The following DEFB106B variants were observed in gnomAD, a reference collection of about 807,000 sequenced individuals.
DEFB106B encodes the protein defensin beta 106B.
At chr8:7,484,846 C>G (rs1230090446) in intron 1 of DEFB106B, among the ~76,000 whole-genome samples, 17 of 78,042 alleles carry the variant, frequency 2.2e-4, no homozygotes, top group African/African-American at 8.0e-4. Flanking sequence ...CACTCCAGCC[C>G]GGGGAACAGA....
chr8:7,484,436 G>A (rs1307129790), intron 1 of DEFB106B, among the ~76,000 whole-genome samples: 1 of 145,606 alleles, frequency 6.9e-6, no homozygotes, highest in Non-Finnish European at 1.5e-5. Flanking sequence ...ATATACTAGA[G>A]TATTATACTA....
rs1328551864 is a variant in DEFB106B at position 7,484,355 on chromosome 8, T to C, written c.50-1603A>G. Among the ~76,000 whole-genome samples, 3 of 148,568 alleles carry C rather than the reference T, an allele frequency of 2.0e-5. No homozygotes were observed. The East Asian group carries it at 5.9e-4, about 29-fold the overall frequency. Reference sequence around the variant, plus strand: ...GTACTAGTATATACACTATACTATATACTAGTGTATTATACTAGTATATAC... The same window carrying C: ...GTACTAGTATATACACTATACTATACACTAGTGTATTATACTAGTATATAC... On this transcript the variant is annotated intron_variant, in intron 1 of 1. Coordinates refer to ENST00000335479, the MANE Select transcript of DEFB106B (RefSeq NM_001040704.2).
At chr8:7,484,406 A>C (rs1170683118) in intron 1 of DEFB106B, among the ~76,000 whole-genome samples, 1 of 148,226 alleles carries the variant, frequency 6.7e-6, no homozygotes, top group East Asian at 2.0e-4. Flanking sequence ...TGTGTATTAT[A>C]CTAGTATATA....
At chr8:7,484,508 G>C (rs1305395952) in intron 1 of DEFB106B, among the ~76,000 whole-genome samples, 3 of 138,936 alleles carry the variant, frequency 2.2e-5, no homozygotes. Flanking sequence ...CTATATACTA[G>C]AGTATTATAC....
chr8:7,485,790 C>CTT (rs1811473214), intron 1 of DEFB106B, among the ~76,000 whole-genome samples: 1 of 107,100 alleles, frequency 9.3e-6, no homozygotes, highest in Non-Finnish European at 1.9e-5. Flanking sequence ...AAGATTTTCT[C>CTT]TAACTTCCAT....
intron 1 of DEFB106B, among the ~76,000 whole-genome samples, chr8:7,485,333 GT>G (rs1811452373): frequency 7.5e-6 from 1 of 133,640 alleles, no homozygotes; most frequent in Admixed American, 7.9e-5. Context: ...ATAGGTCACT[GT>G]GGGTCCTAGA....
At chr8:7,484,867 A>C (rs78303385) in intron 1 of DEFB106B, among the ~76,000 whole-genome samples, 28,933 of 63,638 alleles carry the variant, frequency 0.45, 2,996 homozygotes, top group East Asian at 0.5. Flanking sequence ...GTGAGACTCT[A>C]TCTCAAAAAA....
intron 1 of DEFB106B, among the ~76,000 whole-genome samples, chr8:7,483,581 C>T (rs1302066613): frequency 9.6e-6 from 1 of 104,362 alleles, no homozygotes; most frequent in Non-Finnish European, 1.9e-5. Context: ...TAATTCAAAT[C>T]TACATAAAAC....
At position 7,484,787 on chromosome 8, in the gene DEFB106B, G is replaced by T. The variant is rs1343932933; in HGVS notation, c.49+1547C>A. On this transcript the variant is annotated intron_variant, in intron 1 of 1. Coordinates refer to ENST00000335479, the MANE Select transcript of DEFB106B (RefSeq NM_001040704.2). ...CTCAGGAGGCTGAGGCAGGAGAATC[G>T]CATGAACCCCGGTGGCAGAGGTTGC... 5.0e-5 allele frequency among the ~76,000 whole-genome samples: 5 copies of T among 100,158 alleles called. No individual in the cohort carries two copies. In the East Asian group the frequency reaches 1.4e-3, roughly 27 times the overall value. 65.7% of individuals were successfully genotyped at this position (100,158 alleles called of 152,430 possible).
chr8:7,484,155 A>C (rs1224070774), intron 1 of DEFB106B, among the ~76,000 whole-genome samples: 5 of 123,488 alleles, frequency 4.0e-5, no homozygotes, highest in Admixed American at 9.1e-5. Flanking sequence ...ATAATAGTAT[A>C]TATACTATAC....
At chr8:7,483,892 A>G (rs1489644591) in intron 1 of DEFB106B, among the ~76,000 whole-genome samples, 1 of 131,994 alleles carries the variant, frequency 7.6e-6, no homozygotes, top group East Asian at 2.3e-4. Context: ...TGTATACTAT[A>G]GTATTATACT....
chr8:7,484,846 C>T (rs1230090446), intron 1 of DEFB106B, among the ~76,000 whole-genome samples: 16 of 78,066 alleles, frequency 2.0e-4, no homozygotes, highest in Admixed American at 8.3e-4. Flanking sequence ...CACTCCAGCC[C>T]GGGGAACAGA....
rs1301842880 is a variant in DEFB106B at position 7,484,450 on chromosome 8, T to A, written c.50-1698A>T. Among the ~76,000 whole-genome samples, 1,190 of 143,898 alleles carry A rather than the reference T, an allele frequency of 8.3e-3. 5 individuals carry two copies. The highest frequency in any genetic ancestry group is 0.03 in the African/African-American group (1,136 of 37,856). The allele number at this position is 143,898 out of a possible 152,430, so 94.4% of individuals were successfully genotyped here. ...TATATACTAGAGTATTATACTAGTATGTATACTATGCTATATACTAGAGTA... is the reference window on the plus strand; with the variant it reads ...TATATACTAGAGTATTATACTAGTAAGTATACTATGCTATATACTAGAGTA... On this transcript the variant is annotated intron_variant, in intron 1 of 1. Transcript: ENST00000335479.
chr8:7,484,382 C>G (rs1214240287), intron 1 of DEFB106B, among the ~76,000 whole-genome samples: 2 of 147,500 alleles, frequency 1.4e-5, no homozygotes, highest in African/African-American at 2.5e-5. Flanking sequence ...AGTATATACA[C>G]TATACTATAT....
chr8:7,483,891 T>C (rs1462612657), intron 1 of DEFB106B, among the ~76,000 whole-genome samples: 7 of 132,038 alleles, frequency 5.3e-5, no homozygotes, highest in Non-Finnish European at 1.1e-4. Context: ...GTGTATACTA[T>C]AGTATTATAC....
chr8:7,484,139 A>T (rs1362510406), intron 1 of DEFB106B, among the ~76,000 whole-genome samples: 5 of 128,296 alleles, frequency 3.9e-5, no homozygotes, highest in Admixed American at 1.8e-4. Context: ...TATATACTAG[A>T]GTATTATAAT....
intron 1 of DEFB106B, among the ~76,000 whole-genome samples, 165 bp from the exon 2 acceptor site, chr8:7,482,917 C>A (rs1262610588): frequency 6.7e-6 from 1 of 149,676 alleles, no homozygotes; most frequent in South Asian, 2.1e-4. Context: ...TCTGATATTT[C>A]AGTCTCATAG....
intron 1 of DEFB106B, among the ~76,000 whole-genome samples, chr8:7,484,836 C>A (rs1380065964): frequency 5.7e-5 from 5 of 87,822 alleles, no homozygotes; most frequent in African/African-American, 2.3e-4. Context: ...TGTGAAACTG[C>A]ACTCCAGCCC....
intron 1 of DEFB106B, among the ~76,000 whole-genome samples, chr8:7,484,510 G>A (rs1298371692): frequency 7.2e-6 from 1 of 138,730 alleles, no homozygotes; most frequent in Non-Finnish European, 1.5e-5. Flanking sequence ...ATATACTAGA[G>A]TATTATACTA....
Sources: gnomAD v4.1 joint callset for allele counts (sites outside exome capture counted in the v4.1 genomes callset) on GRCh38, gnomAD v4.1.1 for gene constraint, MANE v1.5 for transcripts, NCBI Gene and HGNC (gene_info 2026-07-23, HGNC 2026-07-21) for gene names.